Variants in TMCC1 observed in about 807,000 individuals in gnomAD.
TMCC1 encodes transmembrane and coiled-coil domains protein 1.
Under a neutral mutation model 52.4 loss-of-function variants are expected in TMCC1, and 15 were observed. The observed-to-expected ratio is 0.29, with a 90% CI of 0.19 to 0.44. TMCC1 has a LOEUF of 0.44. Ranked by LOEUF, TMCC1 falls within the 20% of genes least tolerant of loss-of-function variation. The pLI, the probability that TMCC1 is intolerant of heterozygous loss-of-function variation, is 1.00. For missense variants in TMCC1, 503 were observed against 806.0 expected (o/e 0.62, Z 4.55); for synonymous variants, 279 against 301.9 (o/e 0.92, Z 0.79).
chr3:129,683,201 C>T (rs576248015), intron 4 of TMCC1, among the ~76,000 whole-genome samples: 6 of 152,372 alleles, frequency 3.9e-5, no homozygotes, highest in South Asian at 2.1e-4. Flanking sequence ...GCATGCCAAT[C>T]CTTTTCATGC....
At chr3:129,766,919 C>T (rs536280165) in intron 4 of TMCC1, among the ~76,000 whole-genome samples, 2 of 151,610 alleles carry the variant, frequency 1.3e-5, no homozygotes, top group East Asian at 2.0e-4. Context: ...GTGCCCAGCG[C>T]TATTTAAATA....
intron 4 of TMCC1, among the ~76,000 whole-genome samples, chr3:129,807,940 G>A (rs181133774): frequency 5.3e-5 from 8 of 152,284 alleles, no homozygotes; most frequent in African/African-American, 1.9e-4. Flanking sequence ...AGGAGTCCCA[G>A]AACAAAAGAT....
rs969817706 is a variant in TMCC1 at position 129,660,060 on chromosome 3, G to A, written c.1512-4957C>T. ...AGTTCTCCCCAACAATCCCTAGCGA[G>A]GTAGTTCAAAAAGATTGCTTGTTGA... On this transcript the variant is annotated intron_variant, in intron 5 of 6. Transcript: ENST00000393238. Among the ~76,000 whole-genome samples the A allele has an allele frequency of 2.6e-5, 4 of 152,306 alleles. No homozygotes were observed. The South Asian group carries it at 8.3e-4, about 32-fold the overall frequency.
intron 4 of TMCC1, among the ~76,000 whole-genome samples, chr3:129,683,617 T>C (rs538065733): frequency 7.4e-4 from 113 of 152,312 alleles, no homozygotes; most frequent in African/African-American, 2.6e-3. Context: ...GGGGTACAAA[T>C]GCAGTTTTGT....
chr3:129,880,445 C>G lies in TMCC1; in HGVS notation c.-320G>C, dbSNP rs547878541. 6.6e-6 allele frequency: 1 copy of G among 152,266 alleles called. No homozygotes were observed. Among genetic ancestry groups the G allele is most frequent in the Non-Finnish European group, 1.5e-5 (1 of 68,024 alleles). The allele number at this position is 152,266 out of a possible 1,614,324, so 9.4% of individuals were successfully genotyped here. On this transcript the variant is annotated 5_prime_UTR_variant, in exon 2 of 7. Coordinates refer to ENST00000393238, the MANE Select transcript of TMCC1 (RefSeq NM_001017395.5). ...GATCCATATGAAAAAGAGATCCAATCTGGGAGGATGGACACTGTGTCTTCT... is the reference window on the plus strand; with the variant it reads ...GATCCATATGAAAAAGAGATCCAATGTGGGAGGATGGACACTGTGTCTTCT...
At chr3:129,665,076 A>G (rs2087345705) in intron 5 of TMCC1, among the ~76,000 whole-genome samples, 1 of 152,184 alleles carries the variant, frequency 6.6e-6, no homozygotes, top group African/African-American at 2.4e-5. Flanking sequence ...TCACTTAAAA[A>G]AATTTCTAAA....
intron 4 of TMCC1, among the ~76,000 whole-genome samples, chr3:129,708,457 TTTTC>T (rs1383243195): frequency 2.6e-5 from 4 of 152,352 alleles, no homozygotes; most frequent in Admixed American, 6.5e-5. Flanking sequence ...CCTGTTTGCT[TTTTC>T]TTTAACTGAA....
rs146060072 is a variant in TMCC1 at position 129,855,007 on chromosome 3, T to C, written c.-183-22181A>G. Reference sequence around the variant, plus strand: ...AACCATGCTCAAAAATCATGAGATATGGTCCAGACTGCCTAAGTCAAAGTT... The same window carrying C: ...AACCATGCTCAAAAATCATGAGATACGGTCCAGACTGCCTAAGTCAAAGTT... On this transcript the variant is annotated intron_variant, in intron 2 of 6. Transcript: ENST00000393238. Among the ~76,000 whole-genome samples the C allele has an allele frequency of 4.5e-3, 692 of 152,298 alleles. 8 individuals carry two copies. The highest frequency in any genetic ancestry group is 0.016 in the African/African-American group (658 of 41,576).
At chr3:129,846,294 G>C (rs1182133344) in intron 2 of TMCC1, among the ~76,000 whole-genome samples, 2 of 152,164 alleles carry the variant, frequency 1.3e-5, no homozygotes, top group African/African-American at 2.4e-5. Context: ...GCTGAGGTGG[G>C]AGGATCCACT....
At chr3:129,695,771 C>T (rs1384271834) in intron 4 of TMCC1, among the ~76,000 whole-genome samples, 2 of 152,106 alleles carry the variant, frequency 1.3e-5, no homozygotes, top group African/African-American at 4.8e-5. Flanking sequence ...AATCTCATGT[C>T]CTCACATTTC....
intron 4 of TMCC1, among the ~76,000 whole-genome samples, chr3:129,716,432 T>G (rs2049110131): frequency 6.7e-6 from 1 of 150,176 alleles, no homozygotes. Context: ...TCTCCCAGGT[T>G]CACGCCATTC....
Position 129,866,377 on chromosome 3 carries a change from T to TATA in TMCC1, c.-184+13931_-184+13932insTAT, listed in dbSNP as rs1560579131. Among the ~76,000 whole-genome samples the TATA allele has an allele frequency of 4.2e-5, 6 of 142,708 alleles. No individual in the cohort carries two copies. The East Asian group carries it at 5.9e-4, about 14-fold the overall frequency. 93.6% of individuals were successfully genotyped at this position (142,708 alleles called of 152,430 possible). A position where few individuals can be genotyped will look rare whatever the true frequency, so the allele number is the denominator to read the frequency against. On this transcript the variant is annotated intron_variant, in intron 2 of 6. Transcript: ENST00000393238. ...ATAATATATATTTTATATATATATA[T>TATA]GTTTTTTTTTTTTTTTTGAGACAGA...
At chr3:129,860,309 G>T (rs765407878) in intron 2 of TMCC1, among the ~76,000 whole-genome samples, 10 of 151,850 alleles carry the variant, frequency 6.6e-5, no homozygotes, top group Admixed American at 2.6e-4. Flanking sequence ...AGCTCCAGCA[G>T]TCCTCCCACC....
At chr3:129,748,356 C>T (rs1046107422) in intron 4 of TMCC1, among the ~76,000 whole-genome samples, 6 of 152,278 alleles carry the variant, frequency 3.9e-5, no homozygotes, top group Admixed American at 6.5e-5. Context: ...GGCATAATCT[C>T]GGCTCACTGC....
intron 4 of TMCC1, among the ~76,000 whole-genome samples, chr3:129,815,601 AG>A (rs1457713466): frequency 1.3e-5 from 2 of 152,224 alleles, no homozygotes; most frequent in Non-Finnish European, 2.9e-5. Flanking sequence ...TCAAATCAAA[AG>A]GGATTAACAA....
At chr3:129,870,735 G>C (rs1348117483) in intron 2 of TMCC1, among the ~76,000 whole-genome samples, 1 of 31,098 alleles carries the variant, frequency 3.2e-5, no homozygotes, top group African/African-American at 8.0e-5. Context: ...GGGGGGGGGG[G>C]GGCGACAGAG....
chr3:129,842,983 T>TAA (rs943646393), intron 2 of TMCC1, among the ~76,000 whole-genome samples: 2 of 152,070 alleles, frequency 1.3e-5, no homozygotes, highest in African/African-American at 4.8e-5. Context: ...TTATATCTTA[T>TAA]AAAAGAAGAC....
intron 4 of TMCC1, among the ~76,000 whole-genome samples, chr3:129,786,783 T>G (rs1404066934): frequency 6.6e-6 from 1 of 152,202 alleles, no homozygotes; most frequent in Non-Finnish European, 1.5e-5. Context: ...GAAATCTGTT[T>G]TGTATGAGGT....
At chr3:129,774,806 TG>T (rs1005092325) in intron 4 of TMCC1, among the ~76,000 whole-genome samples, 2 of 152,016 alleles carry the variant, frequency 1.3e-5, no homozygotes. Flanking sequence ...TGTGTGGCTG[TG>T]GGGAGCAAGG....
Sources: allele counts gnomAD v4.1 joint callset (sites outside exome capture counted in the v4.1 genomes callset), GRCh38; gene constraint gnomAD v4.1.1; transcripts MANE v1.5; gene names NCBI Gene and HGNC (gene_info 2026-07-23, HGNC 2026-07-21).